PAXIP1: variants seen among roughly 807,000 people sequenced by gnomAD.
PAXIP1 encodes the protein PAX interacting protein 1.
PAXIP1 carries 19 observed loss-of-function variants against 140.6 expected under a neutral mutation model. The observed-to-expected ratio is 0.14, with a 90% CI of 0.09 to 0.20. The LOEUF (loss-of-function observed/expected upper bound fraction) is 0.20, where lower values mean the gene tolerates loss of function less well. Among genes scored for constraint, PAXIP1 ranks in the 10% least tolerant of loss-of-function variants. PAXIP1 has a pLI of 1.00. For synonymous variants in PAXIP1, 442 were observed against 444.6 expected, an observed-to-expected ratio of 0.99 and a Z score of 0.07; for missense variants, 920 against 1,208.6, an observed-to-expected ratio of 0.76 and a Z score of 3.54.
chr7:154,948,854 C>T (rs1398546625), intron 16 of PAXIP1: 3 of 151,800 alleles, frequency 2.0e-5, no homozygotes, highest in African/African-American at 7.3e-5. Context: ...ATGTGAATTA[C>T]CAAACTTTAA....
intron 2 of PAXIP1, among the ~76,000 whole-genome samples, chr7:154,995,654 A>T (rs529131378): frequency 6.6e-6 from 1 of 152,346 alleles, no homozygotes; most frequent in South Asian, 2.1e-4. Flanking sequence ...GTTCGAGACC[A>T]GCCTGGCCAA....
chr7:154,961,794 C>T, intron 10 of PAXIP1, 146 bp from the exon 11 acceptor site: 1 of 715,726 alleles, frequency 1.4e-6, no homozygotes, highest in Non-Finnish European at 2.3e-6. Flanking sequence ...ATTCCTAAAA[C>T]TTTCAAGACC....
At chr7:154,966,503 T>A (rs1809028774) in intron 8 of PAXIP1, among the ~76,000 whole-genome samples, 1 of 152,240 alleles carries the variant, frequency 6.6e-6, no homozygotes, top group Non-Finnish European at 1.5e-5. Flanking sequence ...ATGTTAGACC[T>A]CTTGGATAAA....
intron 3 of PAXIP1, among the ~76,000 whole-genome samples, chr7:154,992,114 G>C (rs899648736): frequency 6.6e-6 from 1 of 152,140 alleles, no homozygotes; most frequent in African/African-American, 2.4e-5. Flanking sequence ...GCAAATCTCA[G>C]AGTGCACTGT....
chr7:154,959,769 G>A, intron 13 of PAXIP1, 121 bp downstream of exon 13: 1 of 708,202 alleles, frequency 1.4e-6, no homozygotes, highest in East Asian at 2.6e-5. Context: ...TACTGGAGTA[G>A]ATAATTCGTT....
In PAXIP1 at chr7:154,957,000, A is replaced by C; in HGVS notation, c.2549+224T>G. On this transcript the variant is annotated intron_variant, in intron 14 of 20. Coordinates refer to ENST00000404141, the MANE Select transcript of PAXIP1 (RefSeq NM_007349.4). The surrounding 1 kb of genome is among the most constrained non-coding windows in gnomAD (Gnocchi z 4.2). ...TACATGTTGGAAAGGGGCTTCTTAT[A>C]ATATGCCACTTAAAGAAAAAGACTG... is the stretch of plus-strand genomic sequence containing the variant. The C allele has an allele frequency of 2.6e-6, 1 of 384,858 alleles. No individual in the cohort carries two copies. The highest frequency in any genetic ancestry group is 4.6e-6 in the Non-Finnish European group (1 of 217,712). The allele number at this position is 384,858 out of a possible 1,614,324, so 23.8% of individuals were successfully genotyped here.
At chr7:154,975,492 T>C (rs916665707) in intron 6 of PAXIP1, among the ~76,000 whole-genome samples, 1 of 149,432 alleles carries the variant, frequency 6.7e-6, no homozygotes, top group Non-Finnish European at 1.5e-5. Context: ...TTACCCTTTT[T>C]CAATGACCCT....
At chr7:154,998,982 T>G (rs558277011) in intron 1 of PAXIP1, among the ~76,000 whole-genome samples, 198 bp from the exon 2 acceptor site, 4 of 152,346 alleles carry the variant, frequency 2.6e-5, no homozygotes, top group African/African-American at 4.8e-5. Context: ...CAAATCTTGA[T>G]TCACTGACCA....
In PAXIP1 at chr7:154,968,524, C is replaced by T. The variant is rs1180060730; in HGVS notation, c.1677G>A (p.Gln559=). The part of the protein sequence containing the change: ...MQSQTAPHLS[Q]TSQALQHQVP... Reference sequence around the variant, plus strand: ...CCTGATGCTGCAGCGCCTGTGACGTCTGACTCAAGTGTGGCGCTGTCTGAC... The same window carrying T: ...CCTGATGCTGCAGCGCCTGTGACGTTTGACTCAAGTGTGGCGCTGTCTGAC... The change falls in exon 7 of 21, where the codon CAG becomes CAA. Residue 559 remains glutamine (Q), a synonymous_variant. Coordinates refer to ENST00000404141, the MANE Select transcript of PAXIP1 (RefSeq NM_007349.4). The T allele has an allele frequency of 1.3e-6, 1 of 795,024 alleles. No individual in the cohort carries two copies. Among genetic ancestry groups the T allele is most frequent in the Admixed American group, 2.0e-5 (1 of 49,952 alleles). The allele number at this position is 795,024 out of a possible 1,614,324, so 49.2% of individuals were successfully genotyped here. A position where few individuals can be genotyped will look rare whatever the true frequency, so the allele number is the denominator to read the frequency against.
chr7:154,964,061 G>A (rs1206721207), intron 8 of PAXIP1: 13 of 354,458 alleles, frequency 3.7e-5, no homozygotes, highest in African/African-American at 1.3e-4. Context: ...GGACCAGGGA[G>A]TTCTGGGAAG....
At chr7:154,959,986 AG>A in intron 12 of PAXIP1, 53 bp from the exon 13 acceptor site, 1 of 1,212,858 alleles carries the variant, frequency 8.2e-7, no homozygotes, top group Admixed American at 1.7e-5. Flanking sequence ...TTAAATAAAA[AG>A]GCCTTTTTAT....
chr7:154,966,703 G>A (rs1253136843), intron 8 of PAXIP1, among the ~76,000 whole-genome samples: 1 of 152,054 alleles, frequency 6.6e-6, no homozygotes, highest in African/African-American at 2.4e-5. Context: ...CATGCCATCC[G>A]CCTCTTTCCT....
At chr7:154,997,713 A>C (rs536708081) in intron 2 of PAXIP1, among the ~76,000 whole-genome samples, 2 of 152,364 alleles carry the variant, frequency 1.3e-5, no homozygotes, top group South Asian at 4.1e-4. Context: ...CACTAGCTGA[A>C]TCCCTCATTC....
At chr7:154,985,257 T>C (rs1810017545) in intron 4 of PAXIP1, among the ~76,000 whole-genome samples, 1 of 152,248 alleles carries the variant, frequency 6.6e-6, no homozygotes, top group Admixed American at 6.5e-5. Context: ...AATTTTATAA[T>C]TGGGGAAAAG....
intron 6 of PAXIP1, among the ~76,000 whole-genome samples, chr7:154,971,217 A>G (rs1809305259): frequency 6.6e-6 from 1 of 152,350 alleles, no homozygotes; most frequent in East Asian, 1.9e-4. Flanking sequence ...AGCTGTTTCT[A>G]CTACGGGCTT....
At chr7:154,966,321 G>C (rs560770171) in intron 8 of PAXIP1, among the ~76,000 whole-genome samples, 1 of 152,278 alleles carries the variant, frequency 6.6e-6, no homozygotes, top group East Asian at 1.9e-4. Flanking sequence ...CAGTGAGCTT[G>C]TCTTTGAGAG....
chr7:154,982,312 G>A (rs187104598), intron 5 of PAXIP1, among the ~76,000 whole-genome samples: 44 of 152,240 alleles, frequency 2.9e-4, no homozygotes, highest in Non-Finnish European at 3.5e-4. Context: ...TGACTGTTGG[G>A]CTCATCTGAT....
chr7:154,966,671 C>T (rs1809037659), intron 8 of PAXIP1, among the ~76,000 whole-genome samples: 1 of 152,228 alleles, frequency 6.6e-6, no homozygotes, highest in Non-Finnish European at 1.5e-5. Flanking sequence ...CAGAACTGCT[C>T]CCTTCCTTCC....
chr7:154,971,385 C>A (rs183612957), intron 6 of PAXIP1, among the ~76,000 whole-genome samples: 2 of 152,350 alleles, frequency 1.3e-5, no homozygotes, highest in African/African-American at 4.8e-5. Context: ...AGATTCAGGA[C>A]AAGAGTCCCG....
Sources: gnomAD v4.1 joint callset for allele counts (sites outside exome capture counted in the v4.1 genomes callset) on GRCh38, gnomAD v4.1.1 for gene constraint, Gnocchi (gnomAD v3.1) non-coding constraint, MANE v1.5 for transcripts, NCBI Gene and HGNC (gene_info 2026-07-23, HGNC 2026-07-21) for gene names.